Variants in CDK13 observed in about 807,000 individuals in gnomAD.
CDK13 encodes cyclin-dependent kinase 13.
A neutral mutation model predicts 137.6 loss-of-function variants in CDK13; 40 were observed. That is an observed-to-expected ratio of 0.29 (90% confidence interval 0.23 to 0.38). CDK13 has a LOEUF of 0.38. Ranked by LOEUF, CDK13 falls within the 10% of genes least tolerant of loss-of-function variation. CDK13 has a pLI of 1.00. For synonymous variants in CDK13, 869 were observed against 760.1 expected, an observed-to-expected ratio of 1.14 and a Z score of -2.36; for missense variants, 1,704 against 1,951.8, an observed-to-expected ratio of 0.87 and a Z score of 2.39.
At chr7:40,011,609 T>C (rs1412643525) in intron 5 of CDK13, among the ~76,000 whole-genome samples, 3 of 152,174 alleles carry the variant, frequency 2.0e-5, no homozygotes, top group Non-Finnish European at 1.5e-5. Flanking sequence ...GTTGGACCCC[T>C]TCATACCTCA....
intron 5 of CDK13, among the ~76,000 whole-genome samples, chr7:40,027,115 G>A (rs1183858961): frequency 1.3e-5 from 2 of 152,172 alleles, no homozygotes; most frequent in Non-Finnish European, 2.9e-5. Flanking sequence ...AGCCCGAGGC[G>A]GGTGGATCGC....
chr7:39,951,864 C>T lies in CDK13; in HGVS notation c.1211+12C>T, dbSNP rs942852477. ...AGCCCTGTGCTCAGGTGAGTTCTGCCGTTCTGCCTGTGTGTGCCTTGGCTG... is the reference window on the plus strand; with the variant it reads ...AGCCCTGTGCTCAGGTGAGTTCTGCTGTTCTGCCTGTGTGTGCCTTGGCTG... On this transcript the variant is annotated intron_variant, in intron 1 of 13. Coordinates refer to ENST00000181839, the MANE Select transcript of CDK13 (RefSeq NM_003718.5). The T allele has an allele frequency of 3.0e-6, 4 of 1,353,654 alleles. No homozygotes were observed. The highest frequency in any genetic ancestry group is 2.9e-5 in the Admixed American group (1 of 33,968). The allele number at this position is 1,353,654 out of a possible 1,614,324, so 83.9% of individuals were successfully genotyped here. A position where few individuals can be genotyped will look rare whatever the true frequency, so the allele number is the denominator to read the frequency against.
intron 3 of CDK13, 67 bp from the exon 4 acceptor site, chr7:39,999,294 T>C: frequency 7.6e-7 from 1 of 1,321,706 alleles, no homozygotes; most frequent in Non-Finnish European, 1.0e-6. Context: ...GAGTAGATAT[T>C]GAGTTATTAG....
chr7:39,997,711 C>G lies in CDK13; in HGVS notation c.2042+47C>G, dbSNP rs749974128. 4.2e-6 allele frequency: 6 copies of G among 1,437,478 alleles called. No individual in the cohort carries two copies. In the Admixed American group the frequency reaches 8.0e-5, roughly 19 times the overall value. 89.0% of individuals were successfully genotyped at this position (1,437,478 alleles called of 1,614,324 possible). A position where few individuals can be genotyped will look rare whatever the true frequency, so the allele number is the denominator to read the frequency against. ...GCTCTTAAATTGACCAGCAGTGATTCTGGGTCATCAGAAGTTCATAAAACA... is the reference window on the plus strand; with the variant it reads ...GCTCTTAAATTGACCAGCAGTGATTGTGGGTCATCAGAAGTTCATAAAACA... On this transcript the variant is annotated intron_variant, in intron 3 of 13. Transcript: ENST00000181839.
At chr7:40,006,707 G>A (rs1784802194) in intron 5 of CDK13, among the ~76,000 whole-genome samples, 1 of 152,104 alleles carries the variant, frequency 6.6e-6, no homozygotes, top group South Asian at 2.1e-4. Context: ...GCTTGAACCC[G>A]GGAGGCAGAG....
chr7:39,978,743 G>A (rs1222491140), intron 1 of CDK13, among the ~76,000 whole-genome samples: 1 of 152,206 alleles, frequency 6.6e-6, no homozygotes, highest in African/African-American at 2.4e-5. Context: ...CTGAGACACA[G>A]CATTTCTGAC....
At chr7:39,963,097 G>C (rs1184099073) in intron 1 of CDK13, among the ~76,000 whole-genome samples, 2 of 152,190 alleles carry the variant, frequency 1.3e-5, no homozygotes, top group African/African-American at 4.8e-5. Flanking sequence ...GGATTGACTT[G>C]GCAGTGTGGG....
At chr7:40,077,210 C>T (rs551120138) in intron 9 of CDK13, among the ~76,000 whole-genome samples, 1 of 152,232 alleles carries the variant, frequency 6.6e-6, no homozygotes, top group African/African-American at 2.4e-5. Flanking sequence ...GTTTAGGGTC[C>T]TTCCATTGAT....
At chr7:40,063,584 C>G (rs1316605107) in intron 9 of CDK13, among the ~76,000 whole-genome samples, 1 of 152,058 alleles carries the variant, frequency 6.6e-6, no homozygotes, top group Non-Finnish European at 1.5e-5. Context: ...TTATTTGGAG[C>G]CTATCATAGG....
chr7:40,037,645 T>C (rs1447168475), intron 5 of CDK13, among the ~76,000 whole-genome samples: 2 of 152,220 alleles, frequency 1.3e-5, no homozygotes, highest in Admixed American at 6.5e-5. Context: ...TAGGACCATT[T>C]TGGAGGCTTG....
chr7:39,988,302 T>C (rs201843087), intron 2 of CDK13, 44 bp downstream of exon 2: 1 of 1,484,892 alleles, frequency 6.7e-7, no homozygotes, highest in African/African-American at 1.4e-5. Flanking sequence ...AAAGAAAAAA[T>C]GTAAGTCTGA....
chr7:39,976,311 TCTCTCTCTCTCTCA>T (rs1414203078), intron 1 of CDK13, among the ~76,000 whole-genome samples: 1 of 77,542 alleles, frequency 1.3e-5, no homozygotes, highest in Non-Finnish European at 3.1e-5. Flanking sequence ...TCTCTCTCTC[TCTCTCTCTCTCTCA>T]CACACACACA....
At chr7:39,982,935 G>C (rs1233736248) in intron 1 of CDK13, among the ~76,000 whole-genome samples, 1 of 152,074 alleles carries the variant, frequency 6.6e-6, no homozygotes, top group Non-Finnish European at 1.5e-5. Context: ...CAGATGAGTA[G>C]GTTGTGAAAA....
chr7:39,991,747 A>G (rs1340264027), intron 2 of CDK13, among the ~76,000 whole-genome samples: 1 of 152,086 alleles, frequency 6.6e-6, no homozygotes, highest in Admixed American at 6.6e-5. Context: ...ATTTTGTTTT[A>G]TATGCTCCAT....
chr7:39,973,093 TC>T (rs1554321337), intron 1 of CDK13, among the ~76,000 whole-genome samples: 1 of 152,158 alleles, frequency 6.6e-6, no homozygotes, highest in Non-Finnish European at 1.5e-5. Flanking sequence ...ATGGCCAAAA[TC>T]TTTTTTTGAG....
intron 9 of CDK13, among the ~76,000 whole-genome samples, chr7:40,074,538 AAAG>A (rs1255578665): frequency 3.3e-5 from 5 of 150,942 alleles, no homozygotes; most frequent in African/African-American, 4.9e-5. Flanking sequence ...AAAAAAAAAA[AAAG>A]AAAGTAAATA....
At chr7:39,952,588 T>C (rs979166494) in intron 1 of CDK13, 2 of 152,208 alleles carry the variant, frequency 1.3e-5, no homozygotes, top group African/African-American at 4.8e-5. Flanking sequence ...CTAATAACAT[T>C]ATAAATCTGG....
intron 5 of CDK13, among the ~76,000 whole-genome samples, chr7:40,035,231 A>G (rs1785456754): frequency 6.6e-6 from 1 of 152,206 alleles, no homozygotes; most frequent in African/African-American, 2.4e-5. Flanking sequence ...ATATGAAGCA[A>G]TATAAAAATG....
chr7:39,989,109 AAAG>A (rs200886875), intron 2 of CDK13, among the ~76,000 whole-genome samples: 33 of 121,918 alleles, frequency 2.7e-4, no homozygotes, highest in Admixed American at 5.9e-4. Context: ...AAAAAAAAAA[AAAG>A]AGAAAATTCA....
Sources: gnomAD v4.1 joint callset for allele counts (sites outside exome capture counted in the v4.1 genomes callset) on GRCh38, gnomAD v4.1.1 for gene constraint, MANE v1.5 for transcripts, NCBI Gene and HGNC (gene_info 2026-07-23, HGNC 2026-07-21) for gene names.